MACC1: variants seen among roughly 807,000 people sequenced by gnomAD.
MACC1 encodes metastasis-associated in colon cancer protein 1.
In MACC1, 79 loss-of-function variants were observed where a neutral mutation model predicts 70.7. That is an observed-to-expected ratio of 1.12 (90% CI 0.93 to 1.35). MACC1 has a LOEUF of 1.35. Among genes scored for constraint, MACC1 ranks in the 40% most tolerant of loss-of-function variants. MACC1 has a pLI of 0.00. For missense variants in MACC1, 1,106 were observed against 978.1 expected, an observed-to-expected ratio of 1.13 and a Z score of -1.74; for synonymous variants, 361 against 347.2, an observed-to-expected ratio of 1.04 and a Z score of -0.44.
chr7:20,172,772 T>C (rs1006667280), intron 1 of MACC1, among the ~76,000 whole-genome samples: 1 of 152,222 alleles, frequency 6.6e-6, no homozygotes, highest in African/African-American at 2.4e-5. Flanking sequence ...GCTCTTCCTC[T>C]CCTTTTTCCT....
Position 20,159,838 on chromosome 7 carries a change from G to A in MACC1, c.523C>T (p.Arg175Trp), listed in dbSNP as rs200826339. 80 of 1,614,086 alleles carry A rather than the reference G, an allele frequency of 5.0e-5. No individual in the cohort carries two copies. The Admixed American group carries it at 7.5e-4, about 15-fold the overall frequency. Residue 175 changes from arginine to tryptophan, a missense_variant, in exon 5 of 7, where the codon CGG (arginine) becomes TGG (tryptophan). Arg to Trp is a moderately radical substitution (Grantham distance 101). Transcript: ENST00000400331. ...AACCAAGCCATTTTATAAGCCTCCC[G>A]ATCATTTTTAAGCCACTCTAAGTCG... ...LHDLEWLKND[R>W]EAYKMAWLSQ...
chr7:20,148,583 A>G (rs890497680), intron 6 of MACC1, among the ~76,000 whole-genome samples: 13 of 152,254 alleles, frequency 8.5e-5, no homozygotes, highest in African/African-American at 3.1e-4. Context: ...TGTTATTTCT[A>G]TTTGATTTTC....
intron 4 of MACC1, 91 bp downstream of exon 4, chr7:20,161,657 C>T: frequency 5.5e-6 from 4 of 726,610 alleles, no homozygotes; most frequent in South Asian, 3.9e-5. Flanking sequence ...TTTCATCTTC[C>T]AGCATTTTCA....
chr7:20,159,711 T>C lies in MACC1; in HGVS notation c.650A>G (p.Lys217Arg), dbSNP rs1782113199. Residue 217 changes from lysine (K) to arginine (R), a missense_variant, in exon 5 of 7, where the codon AAA becomes AGA. Lys to Arg is a conservative substitution (Grantham distance 26). Coordinates refer to ENST00000400331, the MANE Select transcript of MACC1 (RefSeq NM_182762.4). ...TACTGACCCTCCTTGATGGTTTACTTTGCAAGCTATGGTGACCTCCGCAAG... is the reference window on the plus strand; with the variant it reads ...TACTGACCCTCCTTGATGGTTTACTCTGCAAGCTATGGTGACCTCCGCAAG... ...TQLAEVTIAC[K>R]VNHQGGSVQL... 1 of 1,614,022 alleles carries C rather than the reference T, an allele frequency of 6.2e-7. No individual in the cohort carries two copies. Among genetic ancestry groups the C allele is most frequent in the Admixed American group, 1.7e-5 (1 of 59,966 alleles).
In MACC1 at chr7:20,141,149, T is replaced by A; in HGVS notation, c.2356A>T (p.Lys786Ter). 6.3e-7 allele frequency: 1 copy of A among 1,593,824 alleles called. No individual in the cohort carries two copies. The highest frequency in any genetic ancestry group is 1.1e-5 in the South Asian group (1 of 87,204). The change falls in exon 7 of 7, where the codon AAA becomes TAA. Residue 786 changes from lysine (K) to a stop codon, truncating the protein, a stop_gained. Transcript: ENST00000400331. LOFTEE classifies it high-confidence loss of function. ...GTATACAGAAAATCATAGGCAGGTT[T>A]CCACATCATCTATAAAGAAAAAAAA... ...TGDVAVEMMW[K>*]PAYDFLYTWS...
At chr7:20,206,344 C>A (rs545024250) in intron 1 of MACC1, among the ~76,000 whole-genome samples, 1 of 152,050 alleles carries the variant, frequency 6.6e-6, no homozygotes, top group Non-Finnish European at 1.5e-5. Flanking sequence ...CTTCCAGTGA[C>A]GTTCAAAGGA....
At position 20,158,054 on chromosome 7, in the gene MACC1, G is replaced by A. The variant is rs537353163; in HGVS notation, c.2157+150C>T. 2.0e-4 allele frequency: 184 copies of A among 903,112 alleles called. 1 individual carries two copies. The South Asian group carries it at 5.1e-3, about 25-fold the overall frequency. 55.9% of individuals were successfully genotyped at this position (903,112 alleles called of 1,614,324 possible). On this transcript the variant is annotated intron_variant, in intron 5 of 6. Coordinates refer to ENST00000400331, the MANE Select transcript of MACC1 (RefSeq NM_182762.4). ...AAGAAACCAGTTTTATGATCATGTA[G>A]GAAAAACTATATTTGCTATAAAGTG...
At chr7:20,192,666 G>C (rs747165731) in intron 1 of MACC1, among the ~76,000 whole-genome samples, 18 of 152,172 alleles carry the variant, frequency 1.2e-4, no homozygotes, top group Non-Finnish European at 2.5e-4. Flanking sequence ...TACAACCATT[G>C]TTTTGAGCCA....
intron 1 of MACC1, among the ~76,000 whole-genome samples, chr7:20,201,576 G>A (rs1023729943): frequency 6.6e-6 from 1 of 152,142 alleles, no homozygotes; most frequent in African/African-American, 2.4e-5. Flanking sequence ...TAAAGAAGAC[G>A]CAGAGGAGTT....
intron 1 of MACC1, among the ~76,000 whole-genome samples, chr7:20,177,622 G>T (rs1287050791): frequency 6.8e-6 from 1 of 146,412 alleles, no homozygotes; most frequent in Non-Finnish European, 1.5e-5. Context: ...ACTTTATTTT[G>T]ATTATTGTGC....
At chr7:20,182,935 T>C (rs1782532641) in intron 1 of MACC1, among the ~76,000 whole-genome samples, 5 of 152,232 alleles carry the variant, frequency 3.3e-5, no homozygotes, top group Admixed American at 2.6e-4. Context: ...TCTGTAAAGA[T>C]CTCAATTTTT....
At chr7:20,163,998 G>A (rs1188778787) in intron 3 of MACC1, among the ~76,000 whole-genome samples, 2 of 152,184 alleles carry the variant, frequency 1.3e-5, no homozygotes, top group Non-Finnish European at 2.9e-5. Flanking sequence ...GTACAGTGGT[G>A]TGATCTCAGC....
intron 6 of MACC1, 35 bp downstream of exon 6, chr7:20,154,158 T>C (rs770711192): frequency 1.2e-6 from 2 of 1,609,686 alleles, no homozygotes; most frequent in Admixed American, 3.3e-5. Context: ...GGTCTGCAAC[T>C]TTTCACTATT....
At position 20,177,277 on chromosome 7, in the gene MACC1, G is replaced by T. The variant is rs1052269046; in HGVS notation, c.-217-6499C>A. On this transcript the variant is annotated intron_variant, in intron 1 of 6. Coordinates refer to ENST00000400331, the MANE Select transcript of MACC1 (RefSeq NM_182762.4). ...AATGATAACATTTGGCCTGAAATTT[G>T]TCTCTTTGTATCTAATTATATCAAC... Among the ~76,000 whole-genome samples, 6 of 152,218 alleles carry T rather than the reference G, an allele frequency of 3.9e-5. 1 individual carries two copies. Among genetic ancestry groups the T allele is most frequent in the Non-Finnish European group, 5.9e-5 (4 of 67,954 alleles).
rs1429278049 is a variant in MACC1, at chr7:20,140,808, CACACACACACACACACAG to C, written c.*120_*137del. On this transcript the variant is annotated 3_prime_UTR_variant, in exon 7 of 7. Transcript: ENST00000400331. ...TCTGAGATTCTTTCTTTCCTACACA[CACACACACACACACACAG>C]ACACACACACACAGACACACACACA... 199 of 483,766 alleles carry C rather than the reference CACACACACACACACACAG, an allele frequency of 4.1e-4. No individual in the cohort carries two copies. The highest frequency in any genetic ancestry group is 1.2e-3 in the African/African-American group (59 of 47,302). The allele number at this position is 483,766 out of a possible 1,614,324, so 30.0% of individuals were successfully genotyped here. A position where few individuals can be genotyped will look rare whatever the true frequency, so the allele number is the denominator to read the frequency against.
At chr7:20,154,503 CGA>C in intron 5 of MACC1, 122 bp from the exon 6 acceptor site, 2 of 999,474 alleles carry the variant, frequency 2.0e-6, no homozygotes, top group South Asian at 3.6e-5. Context: ...CACGTATAAT[CGA>C]GTTTTCTAAA....
intron 1 of MACC1, among the ~76,000 whole-genome samples, chr7:20,216,198 A>C (rs1783068017): frequency 6.6e-6 from 1 of 152,184 alleles, no homozygotes; most frequent in Admixed American, 6.5e-5. Flanking sequence ...AGTCAATATC[A>C]ATCCTAAATT....
At chr7:20,185,732 A>G (rs190896031) in intron 1 of MACC1, among the ~76,000 whole-genome samples, 1 of 152,242 alleles carries the variant, frequency 6.6e-6, no homozygotes, top group Admixed American at 6.5e-5. Flanking sequence ...TCAGAAACTT[A>G]CAATAGCTAG....
chr7:20,171,418 A>AT (rs1222480009), intron 1 of MACC1, among the ~76,000 whole-genome samples: 4 of 149,818 alleles, frequency 2.7e-5, no homozygotes, highest in Non-Finnish European at 4.4e-5. Context: ...CGCCCAGCTA[A>AT]TTTTTTTTTA....
Sources: allele counts gnomAD v4.1 joint callset (sites outside exome capture counted in the v4.1 genomes callset), GRCh38; gene constraint gnomAD v4.1.1; transcripts MANE v1.5; gene names NCBI Gene and HGNC (gene_info 2026-07-23, HGNC 2026-07-21).